TBCE: variants seen among roughly 807,000 people sequenced by gnomAD.
TBCE encodes tubulin-specific chaperone E.
In TBCE, 53 loss-of-function variants were observed where a neutral mutation model predicts 77.0. That is an observed-to-expected ratio of 0.69 (90% CI 0.55 to 0.87). TBCE has a LOEUF of 0.87. Ranked by LOEUF, TBCE falls within the 40% of genes least tolerant of loss-of-function variation. The probability of loss-of-function intolerance (pLI) is 0.00; values close to 1 mark genes in which losing one functional copy is unlikely to be tolerated. For synonymous variants in TBCE, 235 were observed against 241.3 expected, an observed-to-expected ratio of 0.97 and a Z score of 0.24; for missense variants, 624 against 622.4, an observed-to-expected ratio of 1.00 and a Z score of -0.03.
chr1:235,403,011 A>G (rs1005597866), intron 3 of TBCE, among the ~76,000 whole-genome samples: 9 of 152,158 alleles, frequency 5.9e-5, no homozygotes, highest in African/African-American at 2.2e-4. Context: ...GTAACCACAC[A>G]GCATATCTCC....
intron 6 of TBCE, among the ~76,000 whole-genome samples, chr1:235,427,859 C>G (rs1244759557): frequency 6.6e-6 from 1 of 151,978 alleles, no homozygotes; most frequent in Non-Finnish European, 1.5e-5. Context: ...GGAGAAACCC[C>G]GTCTCTACTA....
chr1:235,433,914 C>A, intron 7 of TBCE: 1 of 480,944 alleles, frequency 2.1e-6, no homozygotes, highest in Admixed American at 3.5e-5. Flanking sequence ...CAGTTAGTAT[C>A]TCCTGTTCCA....
intron 7 of TBCE, among the ~76,000 whole-genome samples, chr1:235,432,560 A>C (rs1215329769): frequency 6.6e-6 from 1 of 152,138 alleles, no homozygotes; most frequent in Non-Finnish European, 1.5e-5. Flanking sequence ...TGGGAGGATC[A>C]CTTGAGCCCA....
In TBCE at chr1:235,377,957, C is replaced by G. The variant is rs188586532; in HGVS notation, c.-31-2062C>G. Among the ~76,000 whole-genome samples the G allele has an allele frequency of 2.1e-3, 320 of 151,882 alleles. 2 individuals are homozygous for G. In the Middle Eastern group the frequency reaches 0.031, roughly 15 times the overall value. On this transcript the variant is annotated intron_variant, in intron 1 of 16. Transcript: ENST00000642610. ...TGAGCCACCACTCCCCTTCCATCTA[C>G]CTGTTCTTAAAATAAAAAAAACCCA...
At chr1:235,441,586 C>T (rs1167543292) in intron 13 of TBCE, 1 of 558,458 alleles carries the variant, frequency 1.8e-6, no homozygotes, top group Non-Finnish European at 3.2e-6. Flanking sequence ...TAACAATGAG[C>T]TAGATAAGCT....
Position 235,419,519 on chromosome 1 carries a change from A to C in TBCE, c.418A>C (p.Ser140Arg). Reference protein sequence around the residue: ...QEVSLRNCAVSCAGEKGGVAE... With the variant: ...QEVSLRNCAVRCAGEKGGVAE... ...AGTTTCTCTGAGGAACTGTGCAGTA[A>C]GTTGTGCTGGTGAAAAAGGAGGAGT... is the stretch of plus-strand genomic sequence containing the variant. The change falls in exon 5 of 17, where the codon AGT becomes CGT. Residue 140 changes from serine (S) to arginine (R), a missense_variant. Coordinates refer to ENST00000642610, the MANE Select transcript of TBCE (RefSeq NM_003193.5). 1.2e-6 allele frequency: 2 copies of C among 1,614,036 alleles called. No homozygotes were observed. Among genetic ancestry groups the C allele is most frequent in the African/African-American group, 2.7e-5 (2 of 74,978 alleles).
chr1:235,376,483 C>T (rs1216880511), intron 1 of TBCE, among the ~76,000 whole-genome samples: 1 of 152,068 alleles, frequency 6.6e-6, no homozygotes, highest in Admixed American at 6.6e-5. Flanking sequence ...GTTCATGGAG[C>T]CAAGATTTGG....
chr1:235,444,359 G>C (rs1237614322), intron 15 of TBCE, among the ~76,000 whole-genome samples: 2 of 152,162 alleles, frequency 1.3e-5, no homozygotes, highest in African/African-American at 4.8e-5. Flanking sequence ...TAAAGGCCCT[G>C]GTGGAGACAG....
chr1:235,446,858 A>T (rs1231385208), intron 15 of TBCE, among the ~76,000 whole-genome samples: 1 of 151,680 alleles, frequency 6.6e-6, no homozygotes, highest in African/African-American at 2.4e-5. Context: ...CTAATTTTTT[A>T]TTTTTTGTAG....
At chr1:235,369,756 G>A (rs1236135056) in intron 1 of TBCE, among the ~76,000 whole-genome samples, 1 of 150,946 alleles carries the variant, frequency 6.6e-6, no homozygotes, top group Non-Finnish European at 1.5e-5. Flanking sequence ...GAACCTGGGG[G>A]CAGGCGCGGA....
At chr1:235,404,494 G>A (rs1679303978) in intron 3 of TBCE, among the ~76,000 whole-genome samples, 1 of 152,088 alleles carries the variant, frequency 6.6e-6, no homozygotes, top group Non-Finnish European at 1.5e-5. Flanking sequence ...AGGACTGGAA[G>A]TTGCTCTGGG....
At chr1:235,430,568 T>A in intron 6 of TBCE, 137 bp from the exon 7 acceptor site, 1 of 646,486 alleles carries the variant, frequency 1.5e-6, no homozygotes, top group Non-Finnish European at 2.7e-6. Flanking sequence ...AAAAGTGATT[T>A]TTAAAATATA....
intron 2 of TBCE, among the ~76,000 whole-genome samples, chr1:235,392,998 T>G (rs903345538): frequency 9.9e-5 from 15 of 151,784 alleles, no homozygotes; most frequent in Non-Finnish European, 1.6e-4. Context: ...TGAGATGCTG[T>G]CTCTAAAAAA....
Position 235,450,562 on chromosome 1 carries a change from G to A in TBCE, c.*1800G>A, listed in dbSNP as rs531721875. On this transcript the variant is annotated 3_prime_UTR_variant, in exon 17 of 17. Transcript: ENST00000642610. ...TGGCTGTGGAATACAGAAACAAGGC[G>A]GTGTGTGGATGAAGAGTTAGTCAAC... 3.8e-4 allele frequency: 190 copies of A among 503,988 alleles called. No individual in the cohort carries two copies. The East Asian group carries it at 5.1e-3, about 13-fold the overall frequency. 31.2% of individuals were successfully genotyped at this position (503,988 alleles called of 1,614,324 possible).
intron 2 of TBCE, among the ~76,000 whole-genome samples, chr1:235,381,681 T>C (rs1357490290): frequency 7.3e-5 from 6 of 82,532 alleles, no homozygotes; most frequent in Admixed American, 1.3e-4. Context: ...CGAGACTCCT[T>C]CTCCAAAAAA....
chr1:235,384,637 G>C (rs529519064), intron 2 of TBCE, among the ~76,000 whole-genome samples: 1 of 151,134 alleles, frequency 6.6e-6, no homozygotes, highest in Non-Finnish European at 1.5e-5. Context: ...ATGGTAGTTT[G>C]TATTTCTGTG....
At chr1:235,375,008 C>T (rs569199530) in intron 1 of TBCE, among the ~76,000 whole-genome samples, 4 of 140,974 alleles carry the variant, frequency 2.8e-5, no homozygotes, top group African/African-American at 5.6e-5. Flanking sequence ...GCAAGCTCCG[C>T]CTCCTGGGTT....
intron 3 of TBCE, 97 bp from the exon 4 acceptor site, chr1:235,414,336 T>C (rs1679987285): frequency 8.5e-7 from 1 of 1,170,628 alleles, no homozygotes; most frequent in Admixed American, 1.8e-5. Context: ...TTTGATTTTT[T>C]AGCATGTAGA....
At chr1:235,393,143 T>C (rs927877939) in intron 2 of TBCE, among the ~76,000 whole-genome samples, 9 of 152,252 alleles carry the variant, frequency 5.9e-5, no homozygotes, top group African/African-American at 2.2e-4. Context: ...TTCACCAAAA[T>C]GAAATGTTTG....
Sources: gnomAD v4.1 joint callset for allele counts (sites outside exome capture counted in the v4.1 genomes callset) on GRCh38, gnomAD v4.1.1 for gene constraint, MANE v1.5 for transcripts, NCBI Gene and HGNC (gene_info 2026-07-23, HGNC 2026-07-21) for gene names.